The following LPP variants were observed in gnomAD, a reference collection of about 807,000 sequenced individuals.
LPP encodes lipoma-preferred partner.
A neutral mutation model predicts 60.4 loss-of-function variants in LPP; 38 were observed. The observed-to-expected ratio is 0.63, with a 90% CI of 0.49 to 0.83. LPP has a LOEUF of 0.83. Among genes scored for constraint, LPP ranks in the 40% least tolerant of loss-of-function variants. The pLI is 0.00. For synonymous variants in LPP, 328 were observed against 290.8 expected, an observed-to-expected ratio of 1.13 and a Z score of -1.30; for missense variants, 902 against 783.6, an observed-to-expected ratio of 1.15 and a Z score of -1.80.
chr3:188,706,339 A>G (rs1387875020), intron 7 of LPP, among the ~76,000 whole-genome samples: 1 of 152,100 alleles, frequency 6.6e-6, no homozygotes, highest in Non-Finnish European at 1.5e-5. Context: ...TTTGTCTGTA[A>G]CCTGAGCATA....
chr3:188,203,520 TATATAA>T lies in LPP; in HGVS notation c.-189-21879_-189-21874del, dbSNP rs1252630794. On this transcript the variant is annotated intron_variant, in intron 1 of 11. Coordinates refer to ENST00000617246, the MANE Select transcript of LPP (RefSeq NM_001375462.1). ...ATATATAAATATATATATTTAAATA[TATATAA>T]ATATATATTTAAATATATATATATT... Among the ~76,000 whole-genome samples the T allele has an allele frequency of 4.6e-3, 308 of 67,396 alleles. 4 individuals are homozygous for T. Among genetic ancestry groups the T allele is most frequent in the African/African-American group, 7.0e-3 (128 of 18,378 alleles). 44.2% of individuals were successfully genotyped at this position (67,396 alleles called of 152,430 possible). A position where few individuals can be genotyped will look rare whatever the true frequency, so the allele number is the denominator to read the frequency against.
chr3:188,770,086 T>C (rs553391287), intron 9 of LPP, among the ~76,000 whole-genome samples: 25 of 151,698 alleles, frequency 1.6e-4, no homozygotes, highest in African/African-American at 5.8e-4. Flanking sequence ...AGTGGTTCAG[T>C]AAACTTCCTC....
At chr3:188,678,187 A>G (rs915190282) in intron 7 of LPP, among the ~76,000 whole-genome samples, 6 of 152,208 alleles carry the variant, frequency 3.9e-5, no homozygotes, top group African/African-American at 1.2e-4. Flanking sequence ...TTGAAGACTC[A>G]GTTTCCGTCA....
At chr3:188,500,091 C>T (rs977437126) in intron 5 of LPP, among the ~76,000 whole-genome samples, 2 of 151,778 alleles carry the variant, frequency 1.3e-5, no homozygotes, top group Non-Finnish European at 2.9e-5. Flanking sequence ...ATTTTGACAC[C>T]TTTATTTTTT....
chr3:188,581,594 A>C (rs1836139730), intron 6 of LPP, among the ~76,000 whole-genome samples: 1 of 152,046 alleles, frequency 6.6e-6, no homozygotes, highest in Non-Finnish European at 1.5e-5. Flanking sequence ...CTCTCCTGCC[A>C]CTACCCAGGC....
intron 1 of LPP, among the ~76,000 whole-genome samples, chr3:188,154,548 T>C (rs1218840999): frequency 6.6e-6 from 1 of 152,180 alleles, no homozygotes; most frequent in Non-Finnish European, 1.5e-5. Flanking sequence ...GCCACGCCCA[T>C]CCGCTTAGAG....
intron 7 of LPP, among the ~76,000 whole-genome samples, chr3:188,705,377 C>A (rs1325808211): frequency 6.6e-6 from 1 of 152,044 alleles, no homozygotes; most frequent in African/African-American, 2.4e-5. Flanking sequence ...TTAGGTGATT[C>A]TTTTGCTGGT....
rs371621640 is a variant in LPP at position 188,671,934 on chromosome 3, C to G, written c.1114-36333C>G. 8.5e-5 allele frequency among the ~76,000 whole-genome samples: 13 copies of G among 152,230 alleles called. 1 individual carries two copies. Among genetic ancestry groups the G allele is most frequent in the East Asian group, 7.7e-4 (4 of 5,184 alleles). ...GTCATTTACTGCATTTGTGGAGCAT[C>G]TAATTATAAAGAAAATAAGTATTCT... is the stretch of plus-strand genomic sequence containing the variant. On this transcript the variant is annotated intron_variant, in intron 7 of 11. Coordinates refer to ENST00000617246, the MANE Select transcript of LPP (RefSeq NM_001375462.1).
At chr3:188,173,430 A>G (rs1270722245) in intron 1 of LPP, among the ~76,000 whole-genome samples, 2 of 151,980 alleles carry the variant, frequency 1.3e-5, no homozygotes, top group Non-Finnish European at 2.9e-5. Flanking sequence ...CTTGAACCTG[A>G]GAGGCAGAGG....
intron 7 of LPP, among the ~76,000 whole-genome samples, chr3:188,651,892 T>C (rs1852164057): frequency 6.6e-6 from 1 of 152,156 alleles, no homozygotes; most frequent in South Asian, 2.1e-4. Context: ...GTATTATCCA[T>C]TATCTTTTTG....
At chr3:188,752,909 C>T (rs1212656213) in intron 8 of LPP, among the ~76,000 whole-genome samples, 4 of 152,210 alleles carry the variant, frequency 2.6e-5, no homozygotes, top group Non-Finnish European at 5.9e-5. Flanking sequence ...TGTCCTGATT[C>T]GCCACCTGTG....
chr3:188,852,580 G>A (rs1406023973), intron 9 of LPP, among the ~76,000 whole-genome samples: 1 of 152,180 alleles, frequency 6.6e-6, no homozygotes, highest in Non-Finnish European at 1.5e-5. Context: ...TATAAAGTGA[G>A]TTTGACTCCC....
intron 9 of LPP, among the ~76,000 whole-genome samples, chr3:188,798,465 G>A (rs4686996): frequency 0.63 from 96,428 of 151,986 alleles, 31,044 homozygotes; most frequent in East Asian, 0.91. Context: ...CTTCAAAGAT[G>A]AATTTTTATT....
chr3:188,541,419 C>T (rs759382896), intron 6 of LPP, among the ~76,000 whole-genome samples: 2 of 152,156 alleles, frequency 1.3e-5, no homozygotes, highest in African/African-American at 2.4e-5. Context: ...TATAGCTGCA[C>T]ACCCTTAAGG....
rs576692613 is a variant in LPP at position 188,389,072 on chromosome 3, G to A, written c.-9-17040G>A. Among the ~76,000 whole-genome samples the A allele has an allele frequency of 9.2e-5, 14 of 152,016 alleles. No homozygotes were observed. In the South Asian group the frequency reaches 2.7e-3, roughly 29 times the overall value. On this transcript the variant is annotated intron_variant, in intron 3 of 11. Coordinates refer to ENST00000617246, the MANE Select transcript of LPP (RefSeq NM_001375462.1). ...AAACTGTTTGAAAAAGCATTTCATG[G>A]CTATTTTAATTTATATTTCCCTGAT...
intron 2 of LPP, among the ~76,000 whole-genome samples, chr3:188,238,372 G>T (rs1473655084): frequency 1.3e-5 from 2 of 151,788 alleles, no homozygotes; most frequent in African/African-American, 4.8e-5. Flanking sequence ...TTTCCTTTAT[G>T]AACTTTTTTT....
intron 9 of LPP, among the ~76,000 whole-genome samples, chr3:188,776,718 GTTTGAGTTCA>G (rs1737922346): frequency 6.6e-6 from 1 of 152,210 alleles, no homozygotes; most frequent in Non-Finnish European, 1.5e-5. Flanking sequence ...CTGCTGGACA[GTTTGAGTTCA>G]TTTGGCTGGT....
At chr3:188,693,663 T>C (rs1054212673) in intron 7 of LPP, among the ~76,000 whole-genome samples, 1 of 152,190 alleles carries the variant, frequency 6.6e-6, no homozygotes, top group African/African-American at 2.4e-5. Flanking sequence ...CAGAATTCTC[T>C]GTGGGCCACA....
intron 6 of LPP, among the ~76,000 whole-genome samples, chr3:188,525,208 G>A (rs13082491): frequency 0.15 from 22,981 of 151,948 alleles, 2,220 homozygotes; most frequent in Non-Finnish European, 0.21. Flanking sequence ...CTCATGATCT[G>A]CCTGCCTCAG....
Sources: gnomAD v4.1 joint callset for allele counts (sites outside exome capture counted in the v4.1 genomes callset) on GRCh38, gnomAD v4.1.1 for gene constraint, MANE v1.5 for transcripts, NCBI Gene and HGNC (gene_info 2026-07-23, HGNC 2026-07-21) for gene names.